The following QRSL1 variants were observed in gnomAD, a reference collection of about 807,000 sequenced individuals.
QRSL1 encodes the protein glutaminyl-tRNA amidotransferase subunit QRSL1, also known as glutamyl-tRNA(Gln) amidotransferase subunit A, mitochondrial.
In QRSL1, 54 loss-of-function variants were observed where a neutral mutation model predicts 61.6. That is an observed-to-expected ratio of 0.88 (90% CI 0.70 to 1.10). The LOEUF is 1.10. QRSL1 is among the 50% of genes least tolerant of loss of function. The probability of loss-of-function intolerance (pLI) is 0.00; values close to 1 mark genes in which losing one functional copy is unlikely to be tolerated. For synonymous variants in QRSL1, 228 were observed against 225.7 expected (o/e 1.01, Z -0.09); for missense variants, 505 against 622.6 (o/e 0.81, Z 2.01).
chr6:106,647,377 C>T (rs1310441081), intron 4 of QRSL1, among the ~76,000 whole-genome samples: 2 of 151,714 alleles, frequency 1.3e-5, no homozygotes, highest in Non-Finnish European at 2.9e-5. Flanking sequence ...CAGTGGCCCA[C>T]ACCTGTAATC....
intron 7 of QRSL1, 121 bp from the exon 8 acceptor site, chr6:106,654,609 A>T: frequency 2.5e-6 from 2 of 805,566 alleles, no homozygotes; most frequent in Non-Finnish European, 3.8e-6. Context: ...CCTATTTTCT[A>T]ATGTATTACC....
chr6:106,651,084 C>A lies in QRSL1; in HGVS notation c.558-1125C>A, dbSNP rs79019078. 3.2e-3 allele frequency among the ~76,000 whole-genome samples: 483 copies of A among 152,258 alleles called. 11 individuals carry two copies. In the East Asian group the frequency reaches 0.046, roughly 15 times the overall value. On this transcript the variant is annotated intron_variant, in intron 5 of 10. Coordinates refer to ENST00000369046, the MANE Select transcript of QRSL1 (RefSeq NM_018292.5). ...AAACTGTGTACCCTTCAACCCTCTC[C>A]CAGCCCTGGTAACCACCTTCTACTT...
In QRSL1 at chr6:106,667,613, A is replaced by G. The variant is rs1457987590; in HGVS notation, c.*1611A>G. 2 of 152,186 alleles carry G rather than the reference A, an allele frequency of 1.3e-5. No individual in the cohort carries two copies. Among genetic ancestry groups the G allele is most frequent in the Non-Finnish European group, 2.9e-5 (2 of 68,036 alleles). The allele number at this position is 152,186 out of a possible 1,614,324, so 9.4% of individuals were successfully genotyped here. On this transcript the variant is annotated 3_prime_UTR_variant, in exon 11 of 11. Coordinates refer to ENST00000369046, the MANE Select transcript of QRSL1 (RefSeq NM_018292.5). ...CAGAATCATCTGCAGAACCACTGGA[A>G]TGTTTCATCGTCACCTGTTAGTTTT... is the stretch of plus-strand genomic sequence containing the variant.
intron 3 of QRSL1, among the ~76,000 whole-genome samples, chr6:106,641,797 C>T (rs1352898125): frequency 6.6e-6 from 1 of 152,078 alleles, no homozygotes; most frequent in Non-Finnish European, 1.5e-5. Context: ...GTACAATGAG[C>T]AAAATAGAGA....
At chr6:106,632,850 G>A (rs1403776629) in intron 1 of QRSL1, among the ~76,000 whole-genome samples, 4 of 151,934 alleles carry the variant, frequency 2.6e-5, no homozygotes, top group Non-Finnish European at 4.4e-5. Flanking sequence ...TATATACTTC[G>A]GTTATCAATC....
Position 106,643,173 on chromosome 6 carries a change from G to A in QRSL1, c.380+83G>A, listed in dbSNP as rs138325161. The A allele has an allele frequency of 2.7e-3, 2,469 of 899,980 alleles. 55 individuals carry two copies. The African/African-American group carries it at 0.037, about 13-fold the overall frequency. The allele number at this position is 899,980 out of a possible 1,614,324, so 55.7% of individuals were successfully genotyped here. On this transcript the variant is annotated intron_variant, in intron 4 of 10. Transcript: ENST00000369046. ...AAATGTAGTTACCTAAAAGGATTGA[G>A]GATCTAATGCCAGTTTCTTAGTCCC...
rs189228239 is a variant in QRSL1, at chr6:106,660,332, C to G, written c.1161-2648C>G. On this transcript the variant is annotated intron_variant, in intron 9 of 10. Transcript: ENST00000369046. ...CTCAGCAACCCTCAACACTCCCCACCCCCCCCGTGAAGCTAGGACTACTGT... is the reference window on the plus strand; with the variant it reads ...CTCAGCAACCCTCAACACTCCCCACGCCCCCCGTGAAGCTAGGACTACTGT... Among the ~76,000 whole-genome samples, 508 of 138,502 alleles carry G rather than the reference C, an allele frequency of 3.7e-3. 18 individuals are homozygous for G. In the East Asian group the frequency reaches 0.085, roughly 23 times the overall value. The allele number at this position is 138,502 out of a possible 152,430, so 90.9% of individuals were successfully genotyped here.
Position 106,654,890 on chromosome 6 carries a change from C to T in QRSL1, c.1010C>T (p.Ser337Leu). ...YHVLCTSEVA[S>L]NMARFDGLQY... ...GTATTGTGCACATCAGAAGTGGCAT[C>T]GAATATGGCAAGATTTGATGGGCTA... The change falls in exon 8 of 11, where the codon TCG becomes TTG. Residue 337 changes from serine to leucine, a missense_variant. Transcript: ENST00000369046. The T allele has an allele frequency of 1.9e-6, 3 of 1,607,740 alleles. No individual in the cohort carries two copies. The highest frequency in any genetic ancestry group is 2.5e-6 in the Non-Finnish European group (3 of 1,177,890).
In QRSL1 at chr6:106,649,152, G is replaced by A; in HGVS notation, c.508G>A (p.Gly170Arg). The A allele has an allele frequency of 6.2e-7, 1 of 1,614,204 alleles. No homozygotes were observed. The highest frequency in any genetic ancestry group is 8.5e-7 in the Non-Finnish European group (1 of 1,180,030). ...AGATTCAGACTGGCTGATAACTGGA[G>A]GAAGCTCAGGTGGGAGTGCAGCTGC... ...NEDSDWLITG[G>R]SSGGSAAAVS... Residue 170 changes from glycine to arginine, a missense_variant, in exon 5 of 11, where the codon GGA (glycine) becomes AGA (arginine). By Grantham distance (125) the Gly-to-Arg change is moderately radical. Coordinates refer to ENST00000369046, the MANE Select transcript of QRSL1 (RefSeq NM_018292.5).
rs570227262 is a variant in QRSL1, at chr6:106,633,510, G to A, written c.24+3805G>A. Among the ~76,000 whole-genome samples the A allele has an allele frequency of 5.9e-5, 9 of 152,288 alleles. No individual in the cohort carries two copies. In the South Asian group the frequency reaches 8.3e-4, roughly 14 times the overall value. On this transcript the variant is annotated intron_variant, in intron 1 of 10. Coordinates refer to ENST00000369046, the MANE Select transcript of QRSL1 (RefSeq NM_018292.5). ...TGGAAATGATGGCAGCAATTTGGGG[G>A]ATGTGAGTGGAAGCTTATGGTAACA...
chr6:106,638,650 G>A (rs571024766), intron 1 of QRSL1, among the ~76,000 whole-genome samples: 2 of 152,226 alleles, frequency 1.3e-5, no homozygotes, highest in South Asian at 2.1e-4. Context: ...CTCTCTTCTT[G>A]TTACTATAAA....
intron 1 of QRSL1, among the ~76,000 whole-genome samples, chr6:106,637,652 A>T (rs1194274285): frequency 6.6e-6 from 1 of 152,228 alleles, no homozygotes; most frequent in East Asian, 1.9e-4. Context: ...ACTAAACAGG[A>T]GAAGCAGCGG....
intron 9 of QRSL1, among the ~76,000 whole-genome samples, chr6:106,657,147 C>T (rs3127656): frequency 0.89 from 135,880 of 152,100 alleles, 60,837 homozygotes; most frequent in East Asian, 0.98. Flanking sequence ...TGGGCACCTG[C>T]AATCCCAGCA....
Position 106,629,603 on chromosome 6 carries a change from C to T in QRSL1, c.-79C>T, listed in dbSNP as rs1776761406. The T allele has an allele frequency of 2.6e-6, 4 of 1,524,118 alleles. No homozygotes were observed. Among genetic ancestry groups the T allele is most frequent in the Non-Finnish European group, 3.6e-6 (4 of 1,125,432 alleles). 94.4% of individuals were successfully genotyped at this position (1,524,118 alleles called of 1,614,324 possible). On this transcript the variant is annotated 5_prime_UTR_variant, in exon 1 of 11. Transcript: ENST00000369046. ...AGTGACAATTAAAGATGGCTGCGCC[C>T]ATGTAACATCACTAGCGACCGGTGA...
intron 3 of QRSL1, among the ~76,000 whole-genome samples, chr6:106,642,266 G>T (rs1395341792): frequency 6.6e-6 from 1 of 152,172 alleles, no homozygotes; most frequent in Non-Finnish European, 1.5e-5. Context: ...ACATTGGCCA[G>T]GCTGGTCTCG....
intron 9 of QRSL1, 41 bp from the exon 10 acceptor site, chr6:106,662,939 A>T: frequency 6.8e-7 from 1 of 1,474,850 alleles, no homozygotes; most frequent in Non-Finnish European, 9.4e-7. Flanking sequence ...AAAGAAAAAT[A>T]CAAAAAATCC....
intron 1 of QRSL1, among the ~76,000 whole-genome samples, chr6:106,639,121 T>TTTTTTTTG (rs1776971638): frequency 1.8e-5 from 1 of 54,626 alleles, no homozygotes; most frequent in Non-Finnish European, 4.3e-5. Context: ...GTTTTGTTGT[T>TTTTTTTTG]TTTTTTTTTT....
chr6:106,640,560 T>A, intron 2 of QRSL1, 52 bp downstream of exon 2: 1 of 1,422,460 alleles, frequency 7.0e-7, no homozygotes, highest in East Asian at 2.4e-5. Flanking sequence ...GAAGTTTAAT[T>A]GTTTGTAGCA....
At chr6:106,632,883 GTTC>G (rs938000682) in intron 1 of QRSL1, among the ~76,000 whole-genome samples, 12 of 152,256 alleles carry the variant, frequency 7.9e-5, no homozygotes, top group Admixed American at 3.3e-4. Context: ...GAGTGTGATA[GTTC>G]TTCTTATCAG....
Sources: gnomAD v4.1 joint callset for allele counts (sites outside exome capture counted in the v4.1 genomes callset) on GRCh38, gnomAD v4.1.1 for gene constraint, MANE v1.5 for transcripts, NCBI Gene and HGNC (gene_info 2026-07-23, HGNC 2026-07-21) for gene names.